Variants in XKR6 observed in about 807,000 individuals in gnomAD.
XKR6 encodes XK related 6, also known as XK-related protein 6.
A neutral mutation model predicts 56.7 loss-of-function variants in XKR6; 22 were observed. That is an observed-to-expected ratio of 0.39 (90% CI 0.28 to 0.55). The LOEUF (loss-of-function observed/expected upper bound fraction) is 0.55. XKR6 is among the 20% of genes least tolerant of loss of function. The probability of loss-of-function intolerance (pLI) is 0.66; values close to 1 mark genes in which losing one functional copy is unlikely to be tolerated. For missense variants in XKR6, 852 were observed against 889.0 expected (o/e 0.96, Z 0.53); for synonymous variants, 524 against 387.8 (o/e 1.35, Z -4.13).
At chr8:10,920,374 TC>T (rs1425965385) in intron 2 of XKR6, among the ~76,000 whole-genome samples, 3 of 152,156 alleles carry the variant, frequency 2.0e-5, no homozygotes, top group East Asian at 1.9e-4. Context: ...ACTAGCATTA[TC>T]CCCATTTTAG....
At chr8:11,150,778 G>A (rs532101221) in intron 1 of XKR6, among the ~76,000 whole-genome samples, 3 of 150,862 alleles carry the variant, frequency 2.0e-5, no homozygotes, top group Non-Finnish European at 2.9e-5. Context: ...GCTTGAGGCC[G>A]GGAGGCAGAA....
intron 1 of XKR6, among the ~76,000 whole-genome samples, chr8:10,968,206 C>A (rs758073137): frequency 6.6e-6 from 1 of 152,326 alleles, no homozygotes; most frequent in South Asian, 2.1e-4. Context: ...GATCTCCCAC[C>A]GCTCCTAGGC....
intron 1 of XKR6, among the ~76,000 whole-genome samples, chr8:11,046,732 C>T (rs1005630559): frequency 2.0e-5 from 3 of 152,112 alleles, no homozygotes; most frequent in African/African-American, 4.8e-5. Context: ...AGTGGCCATC[C>T]ATGGATGAAT....
intron 1 of XKR6, among the ~76,000 whole-genome samples, chr8:10,983,054 C>T (rs1797771272): frequency 6.6e-6 from 1 of 152,152 alleles, no homozygotes; most frequent in African/African-American, 2.4e-5. Context: ...TATATGAAAA[C>T]ATCTTGCAAT....
At chr8:11,078,541 C>G (rs1800333291) in intron 1 of XKR6, among the ~76,000 whole-genome samples, 2 of 152,248 alleles carry the variant, frequency 1.3e-5, no homozygotes, top group South Asian at 4.2e-4. Context: ...TCCTTGAGTC[C>G]TAAGGAAGAG....
At chr8:11,022,470 C>T (rs1798769590) in intron 1 of XKR6, among the ~76,000 whole-genome samples, 1 of 152,162 alleles carries the variant, frequency 6.6e-6, no homozygotes, top group African/African-American at 2.4e-5. Context: ...AGTGGGAGAC[C>T]ACAAAATGAC....
chr8:10,951,302 G>T (rs55722350), intron 1 of XKR6, among the ~76,000 whole-genome samples: 25,397 of 147,410 alleles, frequency 0.17, 2,520 homozygotes, highest in Middle Eastern at 0.26. Flanking sequence ...TGTGTGTGGG[G>T]GGGGGGGGCC....
chr8:11,092,884 A>T (rs892087423), intron 1 of XKR6, among the ~76,000 whole-genome samples: 8 of 152,220 alleles, frequency 5.3e-5, no homozygotes, highest in Non-Finnish European at 1.0e-4. Context: ...CTCATCTTAC[A>T]GCAGGCCATG....
At chr8:11,006,465 T>C (rs572547482) in intron 1 of XKR6, among the ~76,000 whole-genome samples, 14 of 152,326 alleles carry the variant, frequency 9.2e-5, no homozygotes, top group African/African-American at 2.6e-4. Context: ...ATGACCAACA[T>C]ACTTTTTCTG....
intron 1 of XKR6, among the ~76,000 whole-genome samples, chr8:11,003,295 C>T (rs976575444): frequency 3.3e-5 from 5 of 152,132 alleles, no homozygotes; most frequent in African/African-American, 1.2e-4. Flanking sequence ...ATCACCACCA[C>T]CTCATCATCA....
intron 1 of XKR6, among the ~76,000 whole-genome samples, chr8:11,120,882 G>T (rs999089314): frequency 6.6e-6 from 1 of 152,018 alleles, no homozygotes; most frequent in African/African-American, 2.4e-5. Context: ...AAATAATGCC[G>T]CATATCTACA....
intron 1 of XKR6, among the ~76,000 whole-genome samples, chr8:10,932,352 G>C (rs558985942): frequency 9.4e-4 from 142 of 151,828 alleles, no homozygotes; most frequent in Non-Finnish European, 1.5e-3. Flanking sequence ...TCCCTTTCTA[G>C]GTATTCTAGA....
chr8:11,201,229 G>A lies in XKR6; in HGVS notation c.111C>T (p.Gly37=). ...TGCCGTCGCCGCCGCCGCCGCAGCCGCCTCCCCCGGGCTCCCCGTCCTCCT... is the reference window on the plus strand; with the variant it reads ...TGCCGTCGCCGCCGCCGCCGCAGCCACCTCCCCCGGGCTCCCCGTCCTCCT... ...GGEEDGEPGG[G]GCGGGGDGSE... is the part of the protein sequence containing the mutation. Residue 37 remains glycine, a synonymous_variant, in exon 1 of 3, where the codon GGC becomes GGT. Coordinates refer to ENST00000416569, the MANE Select transcript of XKR6 (RefSeq NM_173683.4). 1 of 1,547,032 alleles carries A rather than the reference G, an allele frequency of 6.5e-7. No individual in the cohort carries two copies. The highest frequency in any genetic ancestry group is 8.7e-7 in the Non-Finnish European group (1 of 1,154,964).
chr8:10,988,902 G>T (rs1797925068), intron 1 of XKR6, among the ~76,000 whole-genome samples: 1 of 152,208 alleles, frequency 6.6e-6, no homozygotes, highest in African/African-American at 2.4e-5. Context: ...AACGTTTCTT[G>T]ATGACCCAAA....
At chr8:11,064,410 C>A (rs1472028895) in intron 1 of XKR6, among the ~76,000 whole-genome samples, 2 of 152,008 alleles carry the variant, frequency 1.3e-5, no homozygotes. Flanking sequence ...ATCATCTGAT[C>A]ACATAGTTCC....
chr8:11,148,937 C>A (rs1267648239), intron 1 of XKR6, among the ~76,000 whole-genome samples: 1 of 152,178 alleles, frequency 6.6e-6, no homozygotes, highest in African/African-American at 2.4e-5. Flanking sequence ...GTGTGTAATT[C>A]CATCAACGTA....
chr8:11,121,599 A>G (rs1243565688), intron 1 of XKR6, among the ~76,000 whole-genome samples: 1 of 152,240 alleles, frequency 6.6e-6, no homozygotes, highest in Non-Finnish European at 1.5e-5. Context: ...ACTGTAAACT[A>G]GTTCAACCAT....
At chr8:11,130,276 T>C (rs1800040361) in intron 1 of XKR6, among the ~76,000 whole-genome samples, 1 of 152,140 alleles carries the variant, frequency 6.6e-6, no homozygotes, top group South Asian at 2.1e-4. Flanking sequence ...TTTCAGCAAA[T>C]AGTTAAAATT....
chr8:11,056,666 C>T (rs992097672), intron 1 of XKR6, among the ~76,000 whole-genome samples: 2 of 152,254 alleles, frequency 1.3e-5, no homozygotes, highest in Non-Finnish European at 2.9e-5. Context: ...GGCAGCCACA[C>T]AAGTGCAGCA....
Sources: gnomAD v4.1 joint callset for allele counts (sites outside exome capture counted in the v4.1 genomes callset) on GRCh38, gnomAD v4.1.1 for gene constraint, MANE v1.5 for transcripts, NCBI Gene and HGNC (gene_info 2026-07-23, HGNC 2026-07-21) for gene names.